Variants in ST7L observed in about 807,000 individuals in gnomAD.
ST7L encodes the protein suppression of tumorigenicity 7 like, also known as suppressor of tumorigenicity 7 protein-like.
ST7L carries 57 observed loss-of-function variants against 72.5 expected under a neutral mutation model. The ratio of observed to expected loss-of-function variants is 0.79; its 90% CI spans 0.64 to 0.98. The LOEUF (loss-of-function observed/expected upper bound fraction) is 0.98, where lower values mean the gene tolerates loss of function less well. Ranked by LOEUF, ST7L falls within the 50% of genes least tolerant of loss-of-function variation. The probability of loss-of-function intolerance (pLI) is 0.00; values close to 1 mark genes in which losing one functional copy is unlikely to be tolerated. For missense variants in ST7L, 576 were observed against 672.2 expected, an observed-to-expected ratio of 0.86 and a Z score of 1.58; for synonymous variants, 221 against 240.9, an observed-to-expected ratio of 0.92 and a Z score of 0.77.
chr1:112,565,133 C>T (rs1660770958), intron 11 of ST7L, among the ~76,000 whole-genome samples: 1 of 150,666 alleles, frequency 6.6e-6, no homozygotes, highest in African/African-American at 2.4e-5. Flanking sequence ...CAACCTCTGC[C>T]GTCCAGGTTC....
chr1:112,539,958 A>G (rs1454143016), intron 14 of ST7L: 5 of 985,394 alleles, frequency 5.1e-6, no homozygotes, highest in Admixed American at 6.1e-5. Context: ...GAAAAGCAGT[A>G]TATCAATAAC....
At chr1:112,567,438 T>C (rs576972805) in intron 11 of ST7L, among the ~76,000 whole-genome samples, 1 of 152,324 alleles carries the variant, frequency 6.6e-6, no homozygotes, top group African/African-American at 2.4e-5. Flanking sequence ...AACACTAACA[T>C]GAGCAGACTT....
chr1:112,565,830 A>T (rs1343058047), intron 11 of ST7L, among the ~76,000 whole-genome samples: 1 of 152,126 alleles, frequency 6.6e-6, no homozygotes, highest in Non-Finnish European at 1.5e-5. Flanking sequence ...CAGCCTGGAC[A>T]AATGGCAAAA....
intron 10 of ST7L, 144 bp downstream of exon 10, chr1:112,578,201 C>T: frequency 1.3e-6 from 1 of 758,486 alleles, no homozygotes; most frequent in South Asian, 1.9e-5. Context: ...CTACACACAG[C>T]AAGAAGCCTA....
At chr1:112,580,156 G>GT (rs35314288) in intron 9 of ST7L, among the ~76,000 whole-genome samples, 26,210 of 151,780 alleles carry the variant, frequency 0.17, 2,964 homozygotes, top group Non-Finnish European at 0.26. Flanking sequence ...CTTTTTCTTT[G>GT]TTTTTTTTGT....
At chr1:112,523,320 G>C (rs1652984346), downstream of ST7L, 1 of 151,660 alleles carries the variant, frequency 6.6e-6, no homozygotes, top group South Asian at 2.1e-4. Flanking sequence ...AAGCTGTCCA[G>C]AGAGTGAGAA....
chr1:112,611,969 CA>C (rs146893029), intron 2 of ST7L, among the ~76,000 whole-genome samples: 4,220 of 71,406 alleles, frequency 0.059, 76 homozygotes, highest in African/African-American at 0.16. Context: ...GACCCTGTCT[CA>C]AAAAAAAAAA....
At chr1:112,530,013 A>G (rs929898910) in intron 14 of ST7L, 1 of 152,242 alleles carries the variant, frequency 6.6e-6, no homozygotes, top group Non-Finnish European at 1.5e-5. Context: ...AGATGCCATC[A>G]TGCAACTAAC....
At chr1:112,579,633 T>C (rs1663784014) in intron 9 of ST7L, among the ~76,000 whole-genome samples, 1 of 152,094 alleles carries the variant, frequency 6.6e-6, no homozygotes, top group African/African-American at 2.4e-5. Context: ...TCTGGAACTG[T>C]AGGTAAATTA....
chr1:112,554,844 T>A (rs1014921488), intron 12 of ST7L, among the ~76,000 whole-genome samples: 1 of 152,160 alleles, frequency 6.6e-6, no homozygotes, highest in Non-Finnish European at 1.5e-5. Context: ...TAAATGAATT[T>A]TGAAGATATT....
chr1:112,556,065 AAAATT>A, intron 11 of ST7L, 47 bp from the exon 12 acceptor site: 2 of 1,329,308 alleles, frequency 1.5e-6, no homozygotes, highest in Non-Finnish European at 2.0e-6. Context: ...AGAAAAAAGA[AAAATT>A]AAATTGTGTT....
intron 12 of ST7L, among the ~76,000 whole-genome samples, chr1:112,553,627 T>G (rs1443171233): frequency 6.6e-6 from 1 of 152,216 alleles, no homozygotes; most frequent in Non-Finnish European, 1.5e-5. Flanking sequence ...TAATGAGATA[T>G]AGGTATGAGC....
chr1:112,561,258 G>T (rs1339361836), intron 11 of ST7L, among the ~76,000 whole-genome samples: 1 of 148,518 alleles, frequency 6.7e-6, no homozygotes, highest in Non-Finnish European at 1.5e-5. Context: ...AAAATAATAT[G>T]TTTGAAGAAT....
At position 112,566,650 on chromosome 1, in the gene ST7L, G is replaced by A. The variant is rs554570515; in HGVS notation, c.1245+10336C>T. On this transcript the variant is annotated intron_variant, in intron 11 of 14. Coordinates refer to ENST00000358039, the MANE Select transcript of ST7L (RefSeq NM_017744.5). ...AAGTTCTCCTTTCTAGTTAATGAAT[G>A]TTTCACCTGACCACCTGAGGCAAAC... Among the ~76,000 whole-genome samples, 8 of 152,168 alleles carry A rather than the reference G, an allele frequency of 5.3e-5. 1 individual carries two copies. Among genetic ancestry groups the A allele is most frequent in the African/African-American group, 1.9e-4 (8 of 41,536 alleles).
At chr1:112,570,649 A>G in intron 11 of ST7L, 1 of 420,650 alleles carries the variant, frequency 2.4e-6, no homozygotes, top group Non-Finnish European at 4.7e-6. Flanking sequence ...AGTGTGAAGA[A>G]GAAAACCCCT....
At position 112,526,002 on chromosome 1, in the gene ST7L, C is replaced by T; in HGVS notation, c.*11G>A. 3 of 1,613,832 alleles carry T rather than the reference C, an allele frequency of 1.9e-6. No individual in the cohort carries two copies. The highest frequency in any genetic ancestry group is 1.7e-6 in the Non-Finnish European group (2 of 1,179,820). ...GGTGATTTGTCCAAGGTCACATGAACAGTGCGTGGCTCAGCCAGAACTCAA... is the reference window on the plus strand; with the variant it reads ...GGTGATTTGTCCAAGGTCACATGAATAGTGCGTGGCTCAGCCAGAACTCAA... On this transcript the variant is annotated 3_prime_UTR_variant, in exon 15 of 15. Coordinates refer to ENST00000358039, the MANE Select transcript of ST7L (RefSeq NM_017744.5).
At chr1:112,615,399 A>G (rs1427575440) in intron 2 of ST7L, among the ~76,000 whole-genome samples, 3 of 152,218 alleles carry the variant, frequency 2.0e-5, no homozygotes, top group Admixed American at 6.5e-5. Context: ...TACTCTTCAT[A>G]ATCCTATAAA....
rs1294416719 is a variant in ST7L, at chr1:112,582,374, C to A, written c.954+1G>T. 6.3e-7 allele frequency: 1 copy of A among 1,595,110 alleles called. No homozygotes were observed. The highest frequency in any genetic ancestry group is 8.6e-7 in the Non-Finnish European group (1 of 1,165,666). On this transcript the variant is annotated splice_donor_variant, in intron 8 of 14. Coordinates refer to ENST00000358039, the MANE Select transcript of ST7L (RefSeq NM_017744.5). LOFTEE classifies it high-confidence loss of function. ...AATAGTCCCATCATCAATTTACTTA[C>A]ATCTCTCATTATTTTTACTGCTTCT... is the stretch of plus-strand genomic sequence containing the variant.
chr1:112,546,030 G>C (rs1472185871), intron 13 of ST7L, among the ~76,000 whole-genome samples: 2 of 152,080 alleles, frequency 1.3e-5, no homozygotes, highest in African/African-American at 2.4e-5. Flanking sequence ...AGAAGTTTTA[G>C]AAGTGGGATT....
Sources: allele counts gnomAD v4.1 joint callset (sites outside exome capture counted in the v4.1 genomes callset), GRCh38; gene constraint gnomAD v4.1.1; transcripts MANE v1.5; gene names NCBI Gene and HGNC (gene_info 2026-07-23, HGNC 2026-07-21).